The following COL21A1 variants were observed in gnomAD, a reference collection of about 807,000 sequenced individuals.
The protein encoded by COL21A1 is collagen type XXI alpha 1 chain.
COL21A1 carries 149 observed loss-of-function variants against 137.9 expected under a neutral mutation model. The observed-to-expected ratio is 1.08, with a 90% CI of 0.95 to 1.24. The LOEUF (loss-of-function observed/expected upper bound fraction) is 1.24. Among genes scored for constraint, COL21A1 ranks in the 50% most tolerant of loss-of-function variants. COL21A1 has a pLI of 0.00. For missense variants in COL21A1, 1,167 were observed against 1,158.4 expected (o/e 1.01, Z -0.11); for synonymous variants, 456 against 391.5 (o/e 1.16, Z -1.95).
chr6:56,209,890 T>G (rs1780046988), intron 1 of COL21A1, among the ~76,000 whole-genome samples: 1 of 152,156 alleles, frequency 6.6e-6, no homozygotes, highest in East Asian at 1.9e-4. Context: ...TGTCCATCAA[T>G]GATAGACTGG....
chr6:56,311,211 T>C (rs1319126738), intron 1 of COL21A1, among the ~76,000 whole-genome samples: 2 of 152,352 alleles, frequency 1.3e-5, no homozygotes, highest in East Asian at 3.9e-4. Context: ...GTAAATAGCA[T>C]AAACCAGAGA....
intron 10 of COL21A1, among the ~76,000 whole-genome samples, chr6:56,147,297 A>G (rs560675429): frequency 9.2e-5 from 14 of 151,632 alleles, no homozygotes; most frequent in African/African-American, 3.1e-4. Flanking sequence ...GTGTGTGTGC[A>G]TTTATTACCT....
intron 16 of COL21A1, among the ~76,000 whole-genome samples, chr6:56,101,972 T>C (rs1426454303): frequency 6.6e-5 from 10 of 152,158 alleles, no homozygotes; most frequent in Admixed American, 5.9e-4. Context: ...GAGTTATTTA[T>C]AGGTTATTAG....
intron 1 of COL21A1, among the ~76,000 whole-genome samples, chr6:56,257,719 T>G (rs184018344): frequency 6.6e-6 from 1 of 152,282 alleles, no homozygotes; most frequent in African/African-American, 2.4e-5. Flanking sequence ...CAATAAAACT[T>G]TATTAATGAA....
rs144993269 is a variant in COL21A1 at position 56,349,649 on chromosome 6, C to T, written c.-39+44322G>A. Reference sequence around the variant, plus strand: ...TGTAAGAAGAGGCACAGCAATGAGTCAGAAGTGGTATAAAATGAACATGCC... The same window carrying T: ...TGTAAGAAGAGGCACAGCAATGAGTTAGAAGTGGTATAAAATGAACATGCC... On this transcript the variant is annotated intron_variant, in intron 1 of 28. Coordinates refer to the COL21A1 transcript ENST00000370819. 3.6e-3 allele frequency among the ~76,000 whole-genome samples: 548 copies of T among 152,276 alleles called. 3 individuals carry two copies. The highest frequency in any genetic ancestry group is 0.012 in the African/African-American group (483 of 41,572).
At chr6:56,324,401 T>C (rs1054378821) in intron 1 of COL21A1, among the ~76,000 whole-genome samples, 2 of 152,052 alleles carry the variant, frequency 1.3e-5, no homozygotes, top group Non-Finnish European at 2.9e-5. Flanking sequence ...ACCAAATCAG[T>C]GTCCAGTTGC....
chr6:56,290,910 C>G (rs1023374668), intron 1 of COL21A1, among the ~76,000 whole-genome samples: 8 of 152,154 alleles, frequency 5.3e-5, no homozygotes, highest in African/African-American at 1.9e-4. Context: ...CCTAAAGCTC[C>G]CAGGTGATTC....
At chr6:56,191,956 C>T (rs889188126) in intron 1 of COL21A1, among the ~76,000 whole-genome samples, 7 of 152,128 alleles carry the variant, frequency 4.6e-5, no homozygotes, top group Admixed American at 6.5e-5. Context: ...AACTATACTA[C>T]GAGGCTACAG....
At position 56,171,032 on chromosome 6, in the gene COL21A1, C is replaced by A. The variant is rs1777003387; in HGVS notation, c.737G>T (p.Arg246Ile). ...GLDVNKKVKK[R>I]IQLSPKKIKG... The stretch of plus-strand genomic sequence containing the variant: ...TATCTTTTTTGGTGAAAGCTGTATT[C>A]TTTTCTTAACCTTTTTATTTACATC... The change falls in exon 4 of 30, where the codon AGA becomes ATA. Residue 246 changes from arginine to isoleucine, a missense_variant. By Grantham distance (97) the Arg-to-Ile change is moderately conservative. Transcript: ENST00000244728. The A allele has an allele frequency of 6.2e-7, 1 of 1,607,376 alleles. No individual in the cohort carries two copies. The highest frequency in any genetic ancestry group is 1.3e-5 in the African/African-American group (1 of 74,632).
intron 3 of COL21A1, among the ~76,000 whole-genome samples, chr6:56,179,025 ATAAAT>A (rs1454195634): frequency 8.1e-6 from 1 of 123,694 alleles, no homozygotes; most frequent in African/African-American, 3.0e-5. Context: ...AAAATTTAAA[ATAAAT>A]TACAGTAGGA....
At chr6:56,109,672 T>C (rs1408424358) in intron 16 of COL21A1, among the ~76,000 whole-genome samples, 1 of 151,842 alleles carries the variant, frequency 6.6e-6, no homozygotes, top group Non-Finnish European at 1.5e-5. Context: ...CAAAATAATA[T>C]CAGGAATGAA....
intron 20 of COL21A1, among the ~76,000 whole-genome samples, chr6:56,072,158 G>C (rs2206674): frequency 0.73 from 110,809 of 151,342 alleles, 41,051 homozygotes; most frequent in East Asian, 0.87. Flanking sequence ...TGACCTCGTT[G>C]TTTTTTATGG....
At chr6:56,062,928 T>C (rs1321042336) in intron 24 of COL21A1, among the ~76,000 whole-genome samples, 1 of 152,186 alleles carries the variant, frequency 6.6e-6, no homozygotes, top group African/African-American at 2.4e-5. Context: ...GATGATTCTC[T>C]GAGAGAAATA....
chr6:56,167,117 A>C (rs1474309297), intron 6 of COL21A1, 134 bp from the exon 7 acceptor site: 7 of 656,106 alleles, frequency 1.1e-5, no homozygotes, highest in Non-Finnish European at 1.9e-5. Context: ...TAGCTAAAAC[A>C]ATGAAAATAC....
chr6:56,393,369 T>G (rs937296383), intron 1 of COL21A1, among the ~76,000 whole-genome samples: 1 of 152,128 alleles, frequency 6.6e-6, no homozygotes, highest in Non-Finnish European at 1.5e-5. Context: ...AAGACTTAAA[T>G]CTAAGACCTT....
At chr6:56,088,893 C>A (rs142048981) in intron 17 of COL21A1, among the ~76,000 whole-genome samples, 1 of 152,150 alleles carries the variant, frequency 6.6e-6, no homozygotes, top group East Asian at 1.9e-4. Context: ...CTCAGGTGAT[C>A]CCCCCACCTC....
At chr6:56,352,647 T>C (rs1405091067) in intron 1 of COL21A1, among the ~76,000 whole-genome samples, 1 of 152,204 alleles carries the variant, frequency 6.6e-6, no homozygotes, top group Non-Finnish European at 1.5e-5. Flanking sequence ...CCTTCCTCCA[T>C]TAAGTATACT....
In COL21A1 at chr6:56,064,568, CAAAA is replaced by C; in HGVS notation, c.2172+6_2172+9del. On this transcript the variant is annotated splice_donor_region_variant and intron_variant, in intron 24 of 29. Transcript: ENST00000244728. ...ATTTCATTTTTTATCAGAAGAAAAC[CAAAA>C]AATACCTGTTGCCCTGGAATTCCCT... The C allele has an allele frequency of 1.9e-6, 3 of 1,586,308 alleles. No individual in the cohort carries two copies. The highest frequency in any genetic ancestry group is 1.3e-5 in the African/African-American group (1 of 74,222).
chr6:56,131,566 T>A (rs1191733955), intron 12 of COL21A1, among the ~76,000 whole-genome samples: 1 of 151,998 alleles, frequency 6.6e-6, no homozygotes, highest in Non-Finnish European at 1.5e-5. Flanking sequence ...CTTAAAAATC[T>A]CTGAGTCCAT....
Sources: gnomAD v4.1 joint callset for allele counts (sites outside exome capture counted in the v4.1 genomes callset) on GRCh38, gnomAD v4.1.1 for gene constraint, MANE v1.5 for transcripts, NCBI Gene and HGNC (gene_info 2026-07-23, HGNC 2026-07-21) for gene names.